FAT3: variants seen among roughly 807,000 people sequenced by gnomAD.
The protein encoded by FAT3 is protocadherin Fat 3.
In FAT3, 95 loss-of-function variants were observed where a neutral mutation model predicts 310.2. The observed-to-expected ratio is 0.31, with a 90% confidence interval of 0.26 to 0.36. FAT3 has a LOEUF of 0.36. Among genes scored for constraint, FAT3 ranks in the 10% least tolerant of loss-of-function variants. The pLI, the probability that FAT3 is intolerant of heterozygous loss-of-function variation, is 1.00. For missense variants in FAT3, 5,408 were observed against 5,715.6 expected (o/e 0.95, Z 1.74); for synonymous variants, 2,314 against 2,192.9 (o/e 1.06, Z -1.54).
intron 3 of FAT3, among the ~76,000 whole-genome samples, chr11:92,564,024 T>A (rs1444713028): frequency 2.6e-5 from 4 of 151,522 alleles, no homozygotes. Context: ...AAGATCAAAT[T>A]CACACATAAC....
intron 22 of FAT3, among the ~76,000 whole-genome samples, chr11:92,873,028 C>T (rs1246625523): frequency 6.6e-6 from 1 of 152,124 alleles, no homozygotes; most frequent in African/African-American, 2.4e-5. Flanking sequence ...CCCATGATTT[C>T]CAGTTGTTTG....
chr11:92,791,250 C>G (rs952172205), intron 8 of FAT3, among the ~76,000 whole-genome samples: 6 of 152,124 alleles, frequency 3.9e-5, no homozygotes, highest in African/African-American at 1.4e-4. Context: ...GTGCACCAAA[C>G]TTTCTTCTAG....
chr11:92,840,482 A>ATTTGT (rs1948510647), intron 17 of FAT3, 80 bp from the exon 18 acceptor site: 1 of 1,281,450 alleles, frequency 7.8e-7, no homozygotes, highest in Non-Finnish European at 1.0e-6. Flanking sequence ...GGTATTTTTG[A>ATTTGT]TTTGTTTTGT....
At chr11:92,389,501 C>T (rs1372555567) in intron 2 of FAT3, among the ~76,000 whole-genome samples, 3 of 151,996 alleles carry the variant, frequency 2.0e-5, no homozygotes, top group African/African-American at 2.4e-5. Flanking sequence ...GAGGAAAAGG[C>T]GTACATGCAA....
intron 1 of FAT3, among the ~76,000 whole-genome samples, chr11:92,296,471 A>T (rs575866673): frequency 1.2e-4 from 19 of 152,216 alleles, no homozygotes; most frequent in African/African-American, 4.3e-4. Context: ...GTTGGCTGCC[A>T]TGGTAGCTGC....
intron 3 of FAT3, among the ~76,000 whole-genome samples, chr11:92,546,776 G>A (rs770355179): frequency 4.6e-5 from 7 of 152,124 alleles, no homozygotes; most frequent in Admixed American, 2.6e-4. Flanking sequence ...AAAGAACTCC[G>A]CTAACTAACT....
chr11:92,852,816 A>G (rs1459274712), intron 19 of FAT3, among the ~76,000 whole-genome samples: 1 of 152,202 alleles, frequency 6.6e-6, no homozygotes, highest in Admixed American at 6.5e-5. Flanking sequence ...ATTTAATTAC[A>G]TGTCATGCTA....
chr11:92,533,959 T>G (rs898157493), intron 3 of FAT3, among the ~76,000 whole-genome samples: 6 of 152,200 alleles, frequency 3.9e-5, no homozygotes, highest in African/African-American at 1.4e-4. Flanking sequence ...GAGAGATTGA[T>G]TAAGGTCATA....
intron 1 of FAT3, among the ~76,000 whole-genome samples, chr11:92,308,563 A>G (rs960131094): frequency 6.6e-6 from 1 of 152,212 alleles, no homozygotes. Flanking sequence ...GCTAACATGT[A>G]TATGAGTCAA....
intron 5 of FAT3, among the ~76,000 whole-genome samples, chr11:92,764,226 G>A (rs1835672366): frequency 6.6e-6 from 1 of 151,990 alleles, no homozygotes; most frequent in Admixed American, 6.6e-5. Context: ...GCTGCCTCCA[G>A]GGACTGTGCT....
chr11:92,408,688 A>G (rs1032552869), intron 2 of FAT3, among the ~76,000 whole-genome samples: 4 of 152,266 alleles, frequency 2.6e-5, no homozygotes, highest in Admixed American at 2.0e-4. Context: ...TAAGTGGATC[A>G]TATTCTGGGA....
At chr11:92,487,532 T>G (rs1591357262) in intron 2 of FAT3, among the ~76,000 whole-genome samples, 1 of 152,170 alleles carries the variant, frequency 6.6e-6, no homozygotes, top group East Asian at 1.9e-4. Flanking sequence ...ACAGATATAA[T>G]GTACTCTAGA....
intron 1 of FAT3, among the ~76,000 whole-genome samples, chr11:92,342,310 C>G (rs10830898): frequency 0.14 from 21,537 of 152,130 alleles, 3,091 homozygotes; most frequent in African/African-American, 0.37. Context: ...TCCCCACCAT[C>G]CACTGGCTTT....
At chr11:92,649,896 T>TAC (rs1314068060) in intron 3 of FAT3, among the ~76,000 whole-genome samples, 4 of 65,672 alleles carry the variant, frequency 6.1e-5, no homozygotes, top group Admixed American at 6.0e-4. Flanking sequence ...TATATATATA[T>TAC]ATATATATAT....
intron 6 of FAT3, among the ~76,000 whole-genome samples, chr11:92,771,238 C>T (rs1392740066): frequency 1.3e-5 from 2 of 152,172 alleles, no homozygotes; most frequent in African/African-American, 4.8e-5. Context: ...TGAGGAAGCA[C>T]ACCTTGTTTA....
intron 4 of FAT3, among the ~76,000 whole-genome samples, chr11:92,725,486 A>G (rs916106129): frequency 1.3e-5 from 2 of 152,206 alleles, no homozygotes; most frequent in Non-Finnish European, 2.9e-5. Context: ...TCCGCTTTCT[A>G]TAAACACAGC....
intron 1 of FAT3, among the ~76,000 whole-genome samples, chr11:92,260,729 C>G (rs1424702553): frequency 2.6e-5 from 4 of 152,050 alleles, no homozygotes; most frequent in Admixed American, 2.6e-4. Context: ...TTGAAGTTTA[C>G]ACAGTGTCGT....
At position 92,844,473 on chromosome 11, in the gene FAT3, G is replaced by A. The variant is rs753699461; in HGVS notation, c.11106G>A (p.Leu3702=). The A allele has an allele frequency of 6.8e-6, 11 of 1,613,952 alleles. No individual in the cohort carries two copies. Among genetic ancestry groups the A allele is most frequent in the South Asian group, 1.1e-5 (1 of 91,054 alleles). The stretch of plus-strand genomic sequence containing the variant: ...CAGGCACCAACCAACTGGACATGCT[G>A]TTTGCGGTGGAGATGCACAGCAGCG... ...PVAGTNQLDM[L]FAVEMHSSEF... Residue 3702 remains leucine (L), a synonymous_variant, in exon 19 of 28, where the codon CTG becomes CTA. Coordinates refer to ENST00000525166, the MANE Select transcript of FAT3 (RefSeq NM_001367949.2).
chr11:92,329,329 A>G lies in FAT3; in HGVS notation c.-17-22767A>G, dbSNP rs186067675. 2.1e-4 allele frequency among the ~76,000 whole-genome samples: 32 copies of G among 151,782 alleles called. No individual in the cohort carries two copies. The East Asian group carries it at 6.3e-3, about 30-fold the overall frequency. On this transcript the variant is annotated intron_variant, in intron 1 of 27. Coordinates refer to ENST00000525166, the MANE Select transcript of FAT3 (RefSeq NM_001367949.2). ...AGTGTTTGCTCTGTTTGTTTCTAGG[A>G]GAGCTGGCTGTTAAAAAGAGCCTGG...
Sources: allele counts gnomAD v4.1 joint callset (sites outside exome capture counted in the v4.1 genomes callset), GRCh38; gene constraint gnomAD v4.1.1; transcripts MANE v1.5; gene names NCBI Gene and HGNC (gene_info 2026-07-23, HGNC 2026-07-21).